Variants in HIVEP1 observed in about 807,000 individuals in gnomAD.
HIVEP1 encodes the protein zinc finger protein 40.
Under a neutral mutation model 180.0 loss-of-function variants are expected in HIVEP1, and 36 were observed. The ratio of observed to expected loss-of-function variants is 0.20; its 90% CI spans 0.15 to 0.26. HIVEP1 has a LOEUF of 0.26. Among genes scored for constraint, HIVEP1 ranks in the 10% least tolerant of loss-of-function variants. The pLI, the probability that HIVEP1 is intolerant of heterozygous loss-of-function variation, is 1.00. For missense variants in HIVEP1, 3,143 were observed against 3,268.7 expected, an observed-to-expected ratio of 0.96 and a Z score of 0.94; for synonymous variants, 1,239 against 1,239.0, an observed-to-expected ratio of 1.00 and a Z score of 0.00.
intron 2 of HIVEP1, among the ~76,000 whole-genome samples, chr6:12,040,962 G>T (rs145802822): frequency 8.2e-4 from 125 of 152,202 alleles, no homozygotes; most frequent in African/African-American, 2.9e-3. Flanking sequence ...AGCCATGAGG[G>T]GTGTGTCCCC....
Position 12,164,231 on chromosome 6 carries a change from C to G in HIVEP1, c.7927C>G (p.His2643Asp), listed in dbSNP as rs1405640544. 5 of 1,614,046 alleles carry G rather than the reference C, an allele frequency of 3.1e-6. No homozygotes were observed. The African/African-American group carries it at 6.7e-5, about 22-fold the overall frequency. Residue 2643 changes from histidine to aspartate, a missense_variant, in exon 9 of 9, where the codon CAC becomes GAC. This residue lies in a region of HIVEP1 where 595 missense variants were observed against 602.2 expected (regional missense o/e 0.99). Transcript: ENST00000379388. ...MDTEKAASAN[H>D]VKPKPELTSI... ...CACAGAGAAGGCTGCCTCGGCAAAT[C>G]ACGTGAAGCCCAAGCCTGAACTCAC...
intron 3 of HIVEP1, among the ~76,000 whole-genome samples, chr6:12,108,557 C>T (rs181893243): frequency 0.017 from 2,600 of 152,328 alleles, 36 homozygotes; most frequent in Middle Eastern, 0.044. Flanking sequence ...TAATGCCCGG[C>T]GAGAAATCGA....
intron 4 of HIVEP1, among the ~76,000 whole-genome samples, chr6:12,129,335 C>T (rs959496929): frequency 6.6e-6 from 1 of 152,158 alleles, no homozygotes; most frequent in African/African-American, 2.4e-5. Flanking sequence ...GGGTATGAGG[C>T]ATTATTTTAC....
chr6:12,124,226 T>G lies in HIVEP1; in HGVS notation c.4431T>G (p.Phe1477Leu). Residue 1477 changes from phenylalanine (F) to leucine (L), a missense_variant, in exon 4 of 9, where the codon TTT (phenylalanine) becomes TTG (leucine). Coordinates refer to ENST00000379388, the MANE Select transcript of HIVEP1 (RefSeq NM_002114.4). ...PQLTSTSLAE[F>L]SANTLHSQTQ... ...TCACTAGTACATCTTTAGCTGAGTT[T>G]TCTGCAAATACTTTGCACTCTCAGA... 1 of 1,614,188 alleles carries G rather than the reference T, an allele frequency of 6.2e-7. No homozygotes were observed. Among genetic ancestry groups the G allele is most frequent in the East Asian group, 2.2e-5 (1 of 44,892 alleles).
In HIVEP1 at chr6:12,085,155, C is replaced by T. The variant is rs76646136; in HGVS notation, c.41-4029C>T. 2.6e-3 allele frequency among the ~76,000 whole-genome samples: 403 copies of T among 152,088 alleles called. 13 individuals are homozygous for T. The East Asian group carries it at 0.071, about 27-fold the overall frequency. ...TCCATCTAATTGCCATTATTACTAA[C>T]GATTATGAGCTATGCAGCTCTAGAG... On this transcript the variant is annotated intron_variant, in intron 2 of 8. Coordinates refer to ENST00000379388, the MANE Select transcript of HIVEP1 (RefSeq NM_002114.4).
chr6:12,199,634 AC>A, the HIVEP1 span, among the ~76,000 whole-genome samples: 1 of 152,186 alleles, frequency 6.6e-6, no homozygotes, highest in Non-Finnish European at 1.5e-5. Context: ...GTCTGGGATT[AC>A]AGGCATAAGC....
At chr6:12,159,888 C>T (rs1760294394) in intron 7 of HIVEP1, among the ~76,000 whole-genome samples, 1 of 152,170 alleles carries the variant, frequency 6.6e-6, no homozygotes, top group African/African-American at 2.4e-5. Context: ...TTTTCATCCC[C>T]TAGAAATAAT....
rs201322734 is a variant in HIVEP1 at position 12,163,410 on chromosome 6, C to G, written c.7106C>G (p.Pro2369Arg). 3.2e-5 allele frequency: 51 copies of G among 1,614,174 alleles called. 1 individual carries two copies. The South Asian group carries it at 5.5e-4, about 17-fold the overall frequency. The part of the protein sequence containing the change: ...QEQKQQITLQ[P>R]TPGLPSPHTH... ...CAGAAGCAGCAAATAACTCTACAGCCGACTCCAGGCTTGCCTTCTCCCCAC... is the reference window on the plus strand; with the variant it reads ...CAGAAGCAGCAAATAACTCTACAGCGGACTCCAGGCTTGCCTTCTCCCCAC... Residue 2369 changes from proline to arginine, a missense_variant, in exon 9 of 9, where the codon CCG (proline) becomes CGG (arginine). Pro to Arg is a moderately radical substitution (Grantham distance 103). Coordinates refer to ENST00000379388, the MANE Select transcript of HIVEP1 (RefSeq NM_002114.4).
At chr6:12,198,469 T>TATTTATTC in the HIVEP1 span, among the ~76,000 whole-genome samples, 10 of 152,192 alleles carry the variant, frequency 6.6e-5, no homozygotes, top group African/African-American at 2.2e-4. Context: ...GGTATTTATT[T>TATTTATTC]ATTCATTCAT....
intron 2 of HIVEP1, among the ~76,000 whole-genome samples, chr6:12,040,552 TATTA>T (rs775616043): frequency 4.6e-5 from 7 of 152,330 alleles, no homozygotes; most frequent in Non-Finnish European, 8.8e-5. Flanking sequence ...ATATTCAATA[TATTA>T]ATTGTTTCAC....
At chr6:12,072,958 T>C (rs1772083145) in intron 2 of HIVEP1, among the ~76,000 whole-genome samples, 1 of 152,238 alleles carries the variant, frequency 6.6e-6, no homozygotes, top group Non-Finnish European at 1.5e-5. Flanking sequence ...CTTATTCTTT[T>C]TACTGCTTTC....
At chr6:12,173,692 A>G in the HIVEP1 span, among the ~76,000 whole-genome samples, 1 of 152,178 alleles carries the variant, frequency 6.6e-6, no homozygotes, top group Admixed American at 6.5e-5. Flanking sequence ...AGACCAATAG[A>G]CATTTGTTAT....
rs550858898 is a variant in HIVEP1, at chr6:12,065,898, C to A, written c.41-23286C>A. 5.3e-5 allele frequency among the ~76,000 whole-genome samples: 8 copies of A among 152,104 alleles called. No homozygotes were observed. The South Asian group carries it at 1.2e-3, about 24-fold the overall frequency. ...ACTGGTTCAGATGTAGATGTGAAGT[C>A]CTCAGAACAGCACTCAGCACACAGG... On this transcript the variant is annotated intron_variant, in intron 2 of 8. Coordinates refer to ENST00000379388, the MANE Select transcript of HIVEP1 (RefSeq NM_002114.4).
intron 2 of HIVEP1, among the ~76,000 whole-genome samples, chr6:12,080,995 C>T (rs1370811606): frequency 6.6e-6 from 1 of 152,114 alleles, no homozygotes; most frequent in Non-Finnish European, 1.5e-5. Flanking sequence ...GCTCTGACTT[C>T]CAGCTCCCCC....
At position 12,123,669 on chromosome 6, in the gene HIVEP1, T is replaced by A. The variant is rs202210477; in HGVS notation, c.3874T>A (p.Ser1292Thr). The A allele has an allele frequency of 2.5e-6, 4 of 1,613,942 alleles. No homozygotes were observed. Among genetic ancestry groups the A allele is most frequent in the Non-Finnish European group, 3.4e-6 (4 of 1,179,996 alleles). The change falls in exon 4 of 9, where the codon TCC becomes ACC. Residue 1292 changes from serine to threonine, a missense_variant. This residue lies in a region of HIVEP1 where 1,357 missense variants were observed against 1,260.5 expected (regional missense o/e 1.08). Coordinates refer to ENST00000379388, the MANE Select transcript of HIVEP1 (RefSeq NM_002114.4). Reference protein sequence around the residue: ...KRLRLAEIEHSSTESSFDSTL... With the variant: ...KRLRLAEIEHTSTESSFDSTL... ...GCTCCGTCTGGCTGAGATAGAACATTCCTCAACAGAATCGAGCTTTGATTC... is the reference window on the plus strand; with the variant it reads ...GCTCCGTCTGGCTGAGATAGAACATACCTCAACAGAATCGAGCTTTGATTC...
rs139159863 is a variant in HIVEP1 at position 12,032,085 on chromosome 6, A to T, written c.40+16417A>T. Among the ~76,000 whole-genome samples, 863 of 151,194 alleles carry T rather than the reference A, an allele frequency of 5.7e-3. 10 individuals carry two copies. Among genetic ancestry groups the T allele is most frequent in the South Asian group, 0.017 (82 of 4,792 alleles). On this transcript the variant is annotated intron_variant, in intron 2 of 8. Transcript: ENST00000379388. ...GTGTTTTTAAAATACTGTTGCAGGC[A>T]TTCTGCATATTTAAAATCCCTACTA...
rs199539440 is a variant in HIVEP1 at position 12,161,679 on chromosome 6, C to T, written c.6728C>T (p.Thr2243Met). The change falls in exon 8 of 9, where the codon ACG (threonine) becomes ATG (methionine). Residue 2243 changes from threonine (T) to methionine (M), a missense_variant. Physicochemically the swap from Thr to Met is moderately conservative, Grantham distance 81 (BLOSUM62 -1). Around this residue, in one of 12 missense-constraint regions of HIVEP1, gnomAD observed 595 missense variants for 602.2 expected, o/e 0.99. Coordinates refer to ENST00000379388, the MANE Select transcript of HIVEP1 (RefSeq NM_002114.4). ...RITDCFSGVH[T>M]DPMDVLPRAL... ...ACCGATTGCTTTTCTGGGGTACACA[C>T]GGACCCAATGGACGTTCTGCCCAGG... The T allele has an allele frequency of 1.4e-4, 222 of 1,614,032 alleles. No individual in the cohort carries two copies. The highest frequency in any genetic ancestry group is 1.6e-4 in the South Asian group (15 of 91,086).
chr6:12,082,456 G>A (rs9296253), intron 2 of HIVEP1, among the ~76,000 whole-genome samples: 7,676 of 152,118 alleles, frequency 0.05, 203 homozygotes, highest in South Asian at 0.11. Context: ...AGGATAGACC[G>A]GATTACTCTA....
At chr6:12,146,384 G>A (rs373645754) in intron 7 of HIVEP1, among the ~76,000 whole-genome samples, 21 of 152,266 alleles carry the variant, frequency 1.4e-4, no homozygotes, top group Non-Finnish European at 2.6e-4. Context: ...CGGAGATTGC[G>A]GTGAGCCGAG....
Sources: allele counts gnomAD v4.1 joint callset (sites outside exome capture counted in the v4.1 genomes callset), GRCh38; gene constraint gnomAD v4.1.1; regional missense constraint gnomAD v4.1.1; transcripts MANE v1.5; gene names NCBI Gene and HGNC (gene_info 2026-07-23, HGNC 2026-07-21).